Variants in MCF2L observed in about 807,000 individuals in gnomAD.
The protein encoded by MCF2L is MCF.2 cell line derived transforming sequence like, also known as guanine nucleotide exchange factor DBS.
Under a neutral mutation model 153.4 loss-of-function variants are expected in MCF2L, and 97 were observed. The observed-to-expected ratio is 0.63, with a 90% CI of 0.54 to 0.75. The LOEUF is 0.75. MCF2L is among the 30% of genes least tolerant of loss of function. The pLI is 0.00. For synonymous variants in MCF2L, 659 were observed against 632.2 expected, an observed-to-expected ratio of 1.04 and a Z score of -0.64; for missense variants, 1,347 against 1,495.2, an observed-to-expected ratio of 0.90 and a Z score of 1.64.
At chr13:113,019,554 G>A (rs747031929) in intron 2 of MCF2L, among the ~76,000 whole-genome samples, 9 of 152,216 alleles carry the variant, frequency 5.9e-5, no homozygotes, top group Admixed American at 2.6e-4. Context: ...GTCATGAGAC[G>A]GAGACAGGAA....
intron 2 of MCF2L, among the ~76,000 whole-genome samples, chr13:112,938,453 C>T (rs958298596): frequency 6.6e-6 from 1 of 152,010 alleles, no homozygotes; most frequent in Non-Finnish European, 1.5e-5. Flanking sequence ...AAACATAGGC[C>T]CAGTTGGGCA....
At position 113,033,305 on chromosome 13, in the gene MCF2L, G is replaced by A. The variant is rs551792609; in HGVS notation, c.278+8547G>A. Among the ~76,000 whole-genome samples the A allele has an allele frequency of 1.4e-3, 83 of 57,704 alleles. 1 individual carries two copies. Among genetic ancestry groups the A allele is most frequent in the African/African-American group, 3.5e-3 (42 of 11,918 alleles). 37.9% of individuals were successfully genotyped at this position (57,704 alleles called of 152,430 possible). A position where few individuals can be genotyped will look rare whatever the true frequency, so the allele number is the denominator to read the frequency against. On this transcript the variant is annotated intron_variant, in intron 3 of 29. Transcript: ENST00000535094. The stretch of plus-strand genomic sequence containing the variant: ...CCCTGTGACATTAGTGGACCCCGTG[G>A]CGTGAGTGGCCCCTGTGGCGTGAGT...
intron 1 of MCF2L, among the ~76,000 whole-genome samples, chr13:112,995,441 G>A (rs2083086142): frequency 6.6e-6 from 1 of 152,240 alleles, no homozygotes; most frequent in African/African-American, 2.4e-5. Flanking sequence ...CTTAGTACGT[G>A]TTGGCACTGC....
At chr13:112,954,812 A>C (rs2081737835) in intron 2 of MCF2L, among the ~76,000 whole-genome samples, 1 of 152,212 alleles carries the variant, frequency 6.6e-6, no homozygotes, top group South Asian at 2.1e-4. Flanking sequence ...AGAGAAAAGC[A>C]ATCCTGAATA....
chr13:112,976,844 G>C (rs1220694302), intron 1 of MCF2L, among the ~76,000 whole-genome samples: 2 of 152,222 alleles, frequency 1.3e-5, no homozygotes, highest in East Asian at 1.9e-4. Context: ...ACAAGGACCT[G>C]GTCCAGCAGG....
At chr13:112,968,817 C>A, upstream of MCF2L, 1 of 1,316,152 alleles carries the variant, frequency 7.6e-7, no homozygotes. Flanking sequence ...GGCGTGGAGA[C>A]CCGGAACCGG....
chr13:113,065,170 G>T, intron 7 of MCF2L, 85 bp downstream of exon 7: 13 of 1,535,648 alleles, frequency 8.5e-6, no homozygotes, highest in Non-Finnish European at 1.2e-5. Context: ...AAGCTGCGGG[G>T]GGTCTTTCGT....
intron 1 of MCF2L, chr13:112,985,525 G>A (rs760106462): frequency 1.9e-5 from 9 of 465,230 alleles, no homozygotes; most frequent in Admixed American, 9.4e-5. Flanking sequence ...TGGTGTGCTC[G>A]GAGCAGTCGA....
At chr13:113,081,300 G>A (rs768662372) in intron 16 of MCF2L, 21 bp downstream of exon 16, 2 of 1,569,116 alleles carry the variant, frequency 1.3e-6, no homozygotes, top group Non-Finnish European at 1.7e-6. Context: ...ACTCGGGGAG[G>A]GCCGACTGCC....
chr13:113,015,593 C>T (rs538007869), intron 2 of MCF2L, among the ~76,000 whole-genome samples: 26 of 152,300 alleles, frequency 1.7e-4, no homozygotes, highest in South Asian at 2.1e-4. Context: ...ATGGCTGGCA[C>T]GGTGGGGCCT....
intron 1 of MCF2L, among the ~76,000 whole-genome samples, chr13:113,006,064 G>A (rs925837513): frequency 5.9e-5 from 9 of 152,162 alleles, no homozygotes; most frequent in South Asian, 2.1e-4. Context: ...ATGGGAGGCC[G>A]TGCCCTGCCA....
chr13:112,979,453 C>T (rs967220719), intron 1 of MCF2L: 1 of 1,419,108 alleles, frequency 7.0e-7, no homozygotes. Flanking sequence ...GGTGGCTCAG[C>T]CCTCTTGGGT....
chr13:112,912,586 A>G (rs968373409), intron 2 of MCF2L, among the ~76,000 whole-genome samples: 1 of 152,150 alleles, frequency 6.6e-6, no homozygotes, highest in Non-Finnish European at 1.5e-5. Flanking sequence ...CAAAGTGCTG[A>G]GATTACAGGT....
chr13:113,044,530 A>T (rs1416629666), intron 3 of MCF2L: 2 of 1,166,102 alleles, frequency 1.7e-6, no homozygotes, highest in Non-Finnish European at 2.4e-6. Context: ...TGCCTTAGGC[A>T]TGCCCGTGTG....
At chr13:113,034,297 C>A (rs1442872329) in intron 3 of MCF2L, among the ~76,000 whole-genome samples, 1 of 152,054 alleles carries the variant, frequency 6.6e-6, no homozygotes, top group African/African-American at 2.4e-5. Context: ...CCACCACGCC[C>A]GGCTAATTTT....
At chr13:113,069,553 CTGGGTGG>C (rs2032642675) in intron 8 of MCF2L, among the ~76,000 whole-genome samples, 1 of 88,250 alleles carries the variant, frequency 1.1e-5, no homozygotes, top group Non-Finnish European at 2.3e-5. Context: ...GAGATTGCAC[CTGGGTGG>C]TGCACAGCTG....
chr13:113,058,646 GTGTT>G lies in MCF2L; in HGVS notation c.370-1944_370-1941del, dbSNP rs10616110. 1.5e-3 allele frequency among the ~76,000 whole-genome samples: 233 copies of G among 151,486 alleles called. 1 individual carries two copies. The highest frequency in any genetic ancestry group is 5.2e-3 in the African/African-American group (216 of 41,242). On this transcript the variant is annotated intron_variant, in intron 4 of 29. Transcript: ENST00000535094. ...TGTTTGCTGTGTGTTTGGGTGCTGA[GTGTT>G]TGGGCACTGAGTGGGCGCTGTGTGT...
intron 1 of MCF2L, among the ~76,000 whole-genome samples, chr13:112,976,127 C>T (rs2082203698): frequency 7.0e-6 from 1 of 143,536 alleles, no homozygotes; most frequent in African/African-American, 2.7e-5. Context: ...ATTGGGCTCT[C>T]AGCGAATGTT....
At position 113,075,143 on chromosome 13, in the gene MCF2L, G is replaced by A; in HGVS notation, c.1262G>A (p.Arg421Lys). Reference sequence around the variant, plus strand: ...TTCTCTGCGGAGATCGCAAGGAGGAGGGGGCTGCTCAGCAAGTCCCTGGAG... The same window carrying A: ...TTCTCTGCGGAGATCGCAAGGAGGAAGGGGCTGCTCAGCAAGTCCCTGGAG... ...DQFSAEIARRRGLLSKSLELH... is the reference protein window; with the variant it reads ...DQFSAEIARRKGLLSKSLELH... Residue 421 changes from arginine to lysine, a missense_variant, in exon 11 of 30, where the codon AGG becomes AAG. Physicochemically the swap from Arg to Lys is conservative, Grantham distance 26. Coordinates refer to ENST00000535094, the MANE Select transcript of MCF2L (RefSeq NM_001112732.3). The A allele has an allele frequency of 6.2e-7, 1 of 1,612,328 alleles. No individual in the cohort carries two copies. Among genetic ancestry groups the A allele is most frequent in the Non-Finnish European group, 8.5e-7 (1 of 1,179,500 alleles).
Sources: allele counts gnomAD v4.1 joint callset (sites outside exome capture counted in the v4.1 genomes callset), GRCh38; gene constraint gnomAD v4.1.1; transcripts MANE v1.5; gene names NCBI Gene and HGNC (gene_info 2026-07-23, HGNC 2026-07-21).